Variants in KCNE1 observed in about 807,000 individuals in gnomAD.
The protein encoded by KCNE1 is potassium voltage-gated channel subfamily E member 1.
In KCNE1, 1 loss-of-function variant was observed where a neutral mutation model predicts 2.9. The ratio of observed to expected loss-of-function variants is 0.34; its 90% CI spans 0.12 to 1.62. The LOEUF is 1.62. Ranked by LOEUF, KCNE1 falls within the 40% of genes most tolerant of loss-of-function variation. The pLI, the probability that KCNE1 is intolerant of heterozygous loss-of-function variation, is 0.36. For synonymous variants in KCNE1, 23 were observed against 65.4 expected, an observed-to-expected ratio of 0.35 and a Z score of 3.13; for missense variants, 45 against 150.5, an observed-to-expected ratio of 0.30 and a Z score of 3.67.
chr21:34,496,148 A>G (rs1287728375), intron 2 of KCNE1, among the ~76,000 whole-genome samples: 1 of 151,772 alleles, frequency 6.6e-6, no homozygotes, highest in African/African-American at 2.4e-5. Flanking sequence ...ATCTCGGCTC[A>G]GTGCAAGCTC....
At chr21:34,498,440 G>C (rs910119460) in intron 2 of KCNE1, among the ~76,000 whole-genome samples, 4 of 152,206 alleles carry the variant, frequency 2.6e-5, no homozygotes, top group Non-Finnish European at 5.9e-5. Flanking sequence ...GGGGCTTCCT[G>C]GGAGCCAGAC....
At chr21:34,511,985 G>A (rs527624768) in intron 1 of KCNE1, 42 bp downstream of exon 1, 7 of 152,528 alleles carry the variant, frequency 4.6e-5, no homozygotes, top group Non-Finnish European at 1.0e-4. Context: ...CATCACCATG[G>A]GCCTTTCTGC....
At chr21:34,501,654 G>A (rs1332972521) in intron 2 of KCNE1, among the ~76,000 whole-genome samples, 2 of 152,292 alleles carry the variant, frequency 1.3e-5, no homozygotes, top group African/African-American at 2.4e-5. Context: ...GTTGGTTAGC[G>A]TATGGGAGAA....
chr21:34,501,766 C>T (rs1198367353), intron 2 of KCNE1, among the ~76,000 whole-genome samples: 2 of 152,166 alleles, frequency 1.3e-5, no homozygotes, highest in Admixed American at 6.5e-5. Context: ...ACACAAGAAC[C>T]CAGCCCCATA....
chr21:34,500,821 T>C (rs1246620704), intron 2 of KCNE1, among the ~76,000 whole-genome samples: 18 of 152,212 alleles, frequency 1.2e-4, no homozygotes, highest in Admixed American at 1.2e-3. Flanking sequence ...TTATTCTTCT[T>C]TCTTATGGCT....
intron 2 of KCNE1, among the ~76,000 whole-genome samples, chr21:34,502,530 C>G (rs779114826): frequency 6.6e-6 from 1 of 152,178 alleles, no homozygotes; most frequent in African/African-American, 2.4e-5. Context: ...TGTGGACTTA[C>G]GTTAGAGCCC....
At chr21:34,503,438 G>T (rs1427939126) in intron 2 of KCNE1, among the ~76,000 whole-genome samples, 1 of 152,096 alleles carries the variant, frequency 6.6e-6, no homozygotes, top group African/African-American at 2.4e-5. Flanking sequence ...AGCCCTTTTG[G>T]GTTTTTATGG....
At chr21:34,506,829 A>G (rs1447654629) in intron 2 of KCNE1, among the ~76,000 whole-genome samples, 4 of 152,194 alleles carry the variant, frequency 2.6e-5, no homozygotes, top group Non-Finnish European at 4.4e-5. Flanking sequence ...GAGCAGAGAC[A>G]TGTAGTTCTG....
intron 2 of KCNE1, among the ~76,000 whole-genome samples, chr21:34,499,346 C>A (rs1191666525): frequency 6.6e-6 from 1 of 152,218 alleles, no homozygotes. Context: ...AGCTTTCGGG[C>A]CTTGCCCTTC....
At chr21:34,505,196 T>G (rs1983406605) in intron 2 of KCNE1, among the ~76,000 whole-genome samples, 2 of 152,252 alleles carry the variant, frequency 1.3e-5, no homozygotes, top group South Asian at 4.1e-4. Flanking sequence ...TGCAATGGCG[T>G]GATCTCGGCT....
chr21:34,450,123 T>C lies in KCNE1; in HGVS notation c.-50-439A>G, dbSNP rs1720141416. On this transcript the variant is annotated intron_variant, in intron 3 of 3. Coordinates refer to ENST00000399286, the MANE Select transcript of KCNE1 (RefSeq NM_000219.6). ...TCCAATGTTTGTATACAACCCATGG[T>C]GAACACCCACTTCTTTTCTCTGCCT... is the stretch of plus-strand genomic sequence containing the variant. 2.3e-5 allele frequency among the ~76,000 whole-genome samples: 2 copies of C among 86,770 alleles called. 1 individual carries two copies. The highest frequency in any genetic ancestry group is 8.3e-5 in the African/African-American group (2 of 24,122). 56.9% of individuals were successfully genotyped at this position (86,770 alleles called of 152,430 possible).
At chr21:34,498,550 ATCCATTTTCAGGTC>A in intron 2 of KCNE1, among the ~76,000 whole-genome samples, 1 of 152,312 alleles carries the variant, frequency 6.6e-6, no homozygotes, top group East Asian at 1.9e-4. Flanking sequence ...CTGTGACGTG[ATCCATTTTCAGGTC>A]TCCTAGCCAT....
intron 2 of KCNE1, chr21:34,510,141 A>C (rs1206625687): frequency 6.6e-6 from 1 of 152,388 alleles, no homozygotes; most frequent in Non-Finnish European, 1.5e-5. Context: ...TTCACCCCTC[A>C]CGCGGAAGTG....
At chr21:34,498,895 G>T (rs545461689) in intron 2 of KCNE1, among the ~76,000 whole-genome samples, 1 of 152,332 alleles carries the variant, frequency 6.6e-6, no homozygotes, top group East Asian at 1.9e-4. Flanking sequence ...ATCTAAGCTT[G>T]CCCGAATTTG....
intron 2 of KCNE1, among the ~76,000 whole-genome samples, chr21:34,500,122 A>G (rs1983075924): frequency 6.6e-6 from 1 of 152,186 alleles, no homozygotes; most frequent in Non-Finnish European, 1.5e-5. Flanking sequence ...TATTTTATTT[A>G]ATAATTGTAT....
chr21:34,452,840 C>T (rs1981419833), intron 3 of KCNE1, among the ~76,000 whole-genome samples: 1 of 62,020 alleles, frequency 1.6e-5, no homozygotes, highest in Non-Finnish European at 3.0e-5. Flanking sequence ...GCATGTGGCA[C>T]ATGGCAGGTG....
intron 2 of KCNE1, among the ~76,000 whole-genome samples, chr21:34,503,422 A>C (rs1395523718): frequency 2.0e-5 from 3 of 152,156 alleles, no homozygotes; most frequent in Non-Finnish European, 2.9e-5. Flanking sequence ...AGAGCTCCCA[A>C]AACTCAGCCC....
chr21:34,504,102 C>G (rs1055686818), intron 2 of KCNE1, among the ~76,000 whole-genome samples: 9 of 152,198 alleles, frequency 5.9e-5, no homozygotes, highest in African/African-American at 2.2e-4. Flanking sequence ...GGAAAGATCC[C>G]CAGTCCCTAG....
rs1934316479 is a variant in KCNE1 at position 34,511,327 on chromosome 21, A to G, written c.-376-12T>C. 7.1e-6 allele frequency: 7 copies of G among 985,430 alleles called. No homozygotes were observed. Among genetic ancestry groups the G allele is most frequent in the African/African-American group, 1.7e-5 (1 of 57,252 alleles). The allele number at this position is 985,430 out of a possible 1,614,324, so 61.0% of individuals were successfully genotyped here. On this transcript the variant is annotated splice_polypyrimidine_tract_variant and intron_variant, in intron 1 of 3. Transcript: ENST00000399286. ...CTGTTTGGTGGTTGCTAAGGTTTGA[A>G]AAAAGCCAGCTGGAAACTTAATCCC...
Sources: gnomAD v4.1 joint callset for allele counts (sites outside exome capture counted in the v4.1 genomes callset) on GRCh38, gnomAD v4.1.1 for gene constraint, MANE v1.5 for transcripts, NCBI Gene and HGNC (gene_info 2026-07-23, HGNC 2026-07-21) for gene names.